Variants in CCDC171 observed in about 807,000 individuals in gnomAD.
The protein encoded by CCDC171 is coiled-coil domain-containing protein 171.
In CCDC171, 177 loss-of-function variants were observed where a neutral mutation model predicts 168.2. The observed-to-expected ratio is 1.05, with a 90% CI of 0.93 to 1.19. The LOEUF (loss-of-function observed/expected upper bound fraction) is 1.19, where lower values mean the gene tolerates loss of function less well. CCDC171 is among the 50% of genes most tolerant of loss of function. The pLI is 0.00. For missense variants in CCDC171, 1,991 were observed against 1,539.0 expected, an observed-to-expected ratio of 1.29 and a Z score of -4.91; for synonymous variants, 687 against 540.8, an observed-to-expected ratio of 1.27 and a Z score of -3.75.
chr9:15,658,970 G>A (rs2048128307), intron 8 of CCDC171, among the ~76,000 whole-genome samples: 1 of 152,170 alleles, frequency 6.6e-6, no homozygotes, highest in African/African-American at 2.4e-5. Context: ...GCAGTGTGAG[G>A]GGAGGGAAGG....
intron 7 of CCDC171, among the ~76,000 whole-genome samples, chr9:15,634,303 A>G (rs1309368391): frequency 6.6e-6 from 1 of 152,204 alleles, no homozygotes; most frequent in Non-Finnish European, 1.5e-5. Flanking sequence ...AAAATTTTTA[A>G]ACATTACAAT....
chr9:15,961,429 G>T (rs139554471), intron 25 of CCDC171, among the ~76,000 whole-genome samples: 146 of 152,316 alleles, frequency 9.6e-4, no homozygotes, highest in African/African-American at 3.4e-3. Context: ...GGAGTAAAAT[G>T]AAGGCACACA....
intron 6 of CCDC171, among the ~76,000 whole-genome samples, chr9:15,600,238 T>C (rs924628433): frequency 2.1e-4 from 32 of 152,342 alleles, no homozygotes; most frequent in African/African-American, 7.5e-4. Flanking sequence ...TCCATTTTTC[T>C]GCTCTGTTTT....
intron 7 of CCDC171, among the ~76,000 whole-genome samples, chr9:15,642,529 T>G (rs2046723680): frequency 6.6e-6 from 1 of 151,650 alleles, no homozygotes; most frequent in African/African-American, 2.4e-5. Context: ...CATGTTGATG[T>G]TCCTCTAGCA....
At chr9:15,713,697 A>G (rs1426209817) in intron 11 of CCDC171, among the ~76,000 whole-genome samples, 2 of 152,134 alleles carry the variant, frequency 1.3e-5, no homozygotes, top group Non-Finnish European at 2.9e-5. Context: ...AAAAGTTTAC[A>G]CTATGATCCA....
chr9:16,078,193 C>T, the CCDC171 span, among the ~76,000 whole-genome samples: 79 of 152,164 alleles, frequency 5.2e-4, 1 homozygote, highest in Admixed American at 1.8e-3. Context: ...TGAATACGTA[C>T]ACTTTTTGTC....
chr9:15,719,319 A>G (rs567030151), intron 11 of CCDC171, among the ~76,000 whole-genome samples: 1 of 146,446 alleles, frequency 6.8e-6, no homozygotes, highest in East Asian at 2.2e-4. Context: ...AAAAGAATGA[A>G]GCACTCCTAC....
chr9:15,640,399 A>T lies in CCDC171; in HGVS notation c.823-16728A>T, dbSNP rs573581187. Among the ~76,000 whole-genome samples, 323 of 152,214 alleles carry T rather than the reference A, an allele frequency of 2.1e-3. 2 individuals are homozygous for T. The highest frequency in any genetic ancestry group is 7.2e-3 in the African/African-American group (298 of 41,552). On this transcript the variant is annotated intron_variant, in intron 7 of 25. Coordinates refer to ENST00000380701, the MANE Select transcript of CCDC171 (RefSeq NM_173550.4). ...AAAGTAGGAGAGCTACTTAAAAAAA[A>T]ACACCACCTTCAAATTAGAATGCCT... is the stretch of plus-strand genomic sequence containing the variant.
chr9:15,625,565 A>T lies in CCDC171; in HGVS notation c.822+2152A>T, dbSNP rs528937749. ...GCCAGTTTTCCCAGCACCATTTATT[A>T]AAGAGGGAGTCCTTTCCCCATTTCT... On this transcript the variant is annotated intron_variant, in intron 7 of 25. Coordinates refer to ENST00000380701, the MANE Select transcript of CCDC171 (RefSeq NM_173550.4). Among the ~76,000 whole-genome samples, 7 of 152,304 alleles carry T rather than the reference A, an allele frequency of 4.6e-5. No individual in the cohort carries two copies. In the South Asian group the frequency reaches 1.5e-3, roughly 32 times the overall value.
chr9:15,681,418 T>TTTTCTTCCATCTTCCTCTTC (rs2050034117), intron 10 of CCDC171, among the ~76,000 whole-genome samples: 2 of 152,084 alleles, frequency 1.3e-5, no homozygotes, highest in Non-Finnish European at 2.9e-5. Flanking sequence ...TTGCGTCTTA[T>TTTTCTTCCATCTTCCTCTTC]TTTCTTCCAT....
At chr9:15,996,444 G>C (rs73645211) in intron 3 of CCDC171, among the ~76,000 whole-genome samples, 2,275 of 135,928 alleles carry the variant, frequency 0.017, 79 homozygotes, top group African/African-American at 0.06. Context: ...TTTTTTTTGC[G>C]GGGGGCGGAC....
intron 4 of CCDC171, among the ~76,000 whole-genome samples, chr9:15,589,299 A>T (rs2041819666): frequency 6.6e-6 from 1 of 152,118 alleles, no homozygotes; most frequent in Non-Finnish European, 1.5e-5. Context: ...TTAAGCCCAG[A>T]CATCTCTTGG....
chr9:15,684,076 C>A (rs1267162474), intron 10 of CCDC171, among the ~76,000 whole-genome samples: 1 of 152,056 alleles, frequency 6.6e-6, no homozygotes, highest in Non-Finnish European at 1.5e-5. Flanking sequence ...CTCAGACCTC[C>A]TTAAGCCCAT....
chr9:15,961,420 G>C (rs1310447922), intron 25 of CCDC171, among the ~76,000 whole-genome samples: 1 of 152,164 alleles, frequency 6.6e-6, no homozygotes, highest in African/African-American at 2.4e-5. Flanking sequence ...GTGCTATTTG[G>C]AGTAAAATGA....
the CCDC171 span, among the ~76,000 whole-genome samples, chr9:16,074,824 G>T: frequency 1.3e-5 from 2 of 152,184 alleles, no homozygotes; most frequent in Non-Finnish European, 2.9e-5. Flanking sequence ...TGAAAAATGG[G>T]CTGGAGAGAT....
At chr9:15,893,174 A>T (rs1041943072) in intron 24 of CCDC171, among the ~76,000 whole-genome samples, 1 of 152,194 alleles carries the variant, frequency 6.6e-6, no homozygotes, top group Non-Finnish European at 1.5e-5. Flanking sequence ...GACAAAAACA[A>T]GCAATGGGGA....
intron 23 of CCDC171, among the ~76,000 whole-genome samples, chr9:15,863,855 G>C (rs1157513343): frequency 6.6e-6 from 1 of 150,610 alleles, no homozygotes; most frequent in Non-Finnish European, 1.5e-5. Context: ...CTGGAAATAA[G>C]ATTCTCCCCA....
At chr9:15,832,333 C>G (rs1408816707) in intron 21 of CCDC171, among the ~76,000 whole-genome samples, 1 of 152,102 alleles carries the variant, frequency 6.6e-6, no homozygotes, top group Non-Finnish European at 1.5e-5. Flanking sequence ...GAAATACAGT[C>G]ATGTGTCATT....
At chr9:15,739,187 C>G (rs2054685906) in intron 16 of CCDC171, among the ~76,000 whole-genome samples, 1 of 152,176 alleles carries the variant, frequency 6.6e-6, no homozygotes, top group Non-Finnish European at 1.5e-5. Flanking sequence ...ATAGAATAGA[C>G]AGAACCTGAA....
Sources: gnomAD v4.1 joint callset for allele counts (sites outside exome capture counted in the v4.1 genomes callset) on GRCh38, gnomAD v4.1.1 for gene constraint, MANE v1.5 for transcripts, NCBI Gene and HGNC (gene_info 2026-07-23, HGNC 2026-07-21) for gene names.